The following PTGIS variants were observed in gnomAD, a reference collection of about 807,000 sequenced individuals.
PTGIS encodes prostacyclin synthase.
Under a neutral mutation model 50.3 loss-of-function variants are expected in PTGIS, and 45 were observed. The ratio of observed to expected loss-of-function variants is 0.90; its 90% CI spans 0.70 to 1.15. The LOEUF is 1.15. Among genes scored for constraint, PTGIS ranks in the 50% most tolerant of loss-of-function variants. PTGIS has a pLI of 0.00. For synonymous variants in PTGIS, 260 were observed against 267.7 expected, an observed-to-expected ratio of 0.97 and a Z score of 0.28; for missense variants, 668 against 661.3, an observed-to-expected ratio of 1.01 and a Z score of -0.11.
chr20:49,546,742 C>A (rs562927012), intron 3 of PTGIS, among the ~76,000 whole-genome samples: 1 of 152,308 alleles, frequency 6.6e-6, no homozygotes, highest in African/African-American at 2.4e-5. Flanking sequence ...TAAAAATGCC[C>A]ACCTCTTTAG....
chr20:49,564,099 C>T (rs991072140), intron 1 of PTGIS, among the ~76,000 whole-genome samples: 1 of 152,164 alleles, frequency 6.6e-6, no homozygotes, highest in Admixed American at 6.5e-5. Context: ...GAATGGGGCT[C>T]GAAAATTCTT....
chr20:49,548,113 C>A (rs1982412930), intron 2 of PTGIS, 94 bp from the exon 3 acceptor site: 1 of 1,166,850 alleles, frequency 8.6e-7, no homozygotes, highest in Non-Finnish European at 1.3e-6. Context: ...AGGCACTGCC[C>A]CACTGGACAG....
intron 5 of PTGIS, among the ~76,000 whole-genome samples, chr20:49,534,388 A>G (rs1269127122): frequency 1.3e-5 from 2 of 152,182 alleles, no homozygotes; most frequent in Non-Finnish European, 1.5e-5. Flanking sequence ...TCTGGTCCCA[A>G]TTAAGATGAG....
In PTGIS at chr20:49,506,231, G is replaced by A. The variant is rs568330035; in HGVS notation, c.*1689C>T. 3 of 152,396 alleles carry A rather than the reference G, an allele frequency of 2.0e-5. No individual in the cohort carries two copies. In the East Asian group the frequency reaches 5.8e-4, roughly 29 times the overall value. 9.4% of individuals were successfully genotyped at this position (152,396 alleles called of 1,614,324 possible). A position where few individuals can be genotyped will look rare whatever the true frequency, so the allele number is the denominator to read the frequency against. ...GGGCACAACCCTCCTTCTCTTCATA[G>A]AGATGCTGTGAGGAGTAGACATACT... On this transcript the variant is annotated 3_prime_UTR_variant, in exon 10 of 10. Coordinates refer to ENST00000244043, the MANE Select transcript of PTGIS (RefSeq NM_000961.4).
At chr20:49,561,233 G>A (rs1186010835) in intron 1 of PTGIS, among the ~76,000 whole-genome samples, 1 of 152,094 alleles carries the variant, frequency 6.6e-6, no homozygotes, top group Non-Finnish European at 1.5e-5. Flanking sequence ...CCCAAAGGGT[G>A]GGACAGCTCG....
At chr20:49,511,704 G>T (rs759807669) in intron 8 of PTGIS, among the ~76,000 whole-genome samples, 2 of 152,208 alleles carry the variant, frequency 1.3e-5, no homozygotes, top group Non-Finnish European at 2.9e-5. Flanking sequence ...ACTGCACAGT[G>T]GTAAGGCAAG....
intron 5 of PTGIS, among the ~76,000 whole-genome samples, chr20:49,538,840 C>A (rs1418617934): frequency 6.6e-6 from 1 of 152,020 alleles, no homozygotes; most frequent in Non-Finnish European, 1.5e-5. Flanking sequence ...CGCCACCATG[C>A]CTGGCTAATT....
At position 49,506,863 on chromosome 20, in the gene PTGIS, C is replaced by T. The variant is rs1335909838; in HGVS notation, c.*1057G>A. ...GACCCGGTCAGAACCCTGGTGAAGC[C>T]GAGAGCACATGTCCTGCATAAGGGA... On this transcript the variant is annotated 3_prime_UTR_variant, in exon 10 of 10. Coordinates refer to ENST00000244043, the MANE Select transcript of PTGIS (RefSeq NM_000961.4). 6.6e-6 allele frequency: 1 copy of T among 152,204 alleles called. No individual in the cohort carries two copies. The highest frequency in any genetic ancestry group is 1.5e-5 in the Non-Finnish European group (1 of 68,088). The allele number at this position is 152,204 out of a possible 1,614,324, so 9.4% of individuals were successfully genotyped here.
chr20:49,547,380 G>C (rs1185083803), intron 3 of PTGIS, among the ~76,000 whole-genome samples: 2 of 152,184 alleles, frequency 1.3e-5, no homozygotes, highest in African/African-American at 2.4e-5. Context: ...CTCCAGCATT[G>C]TTGTGAAGAC....
intron 1 of PTGIS, among the ~76,000 whole-genome samples, chr20:49,557,577 A>G (rs1328562383): frequency 1.3e-5 from 2 of 151,838 alleles, no homozygotes; most frequent in Non-Finnish European, 2.9e-5. Flanking sequence ...AAAAAAAAGA[A>G]GAAAAGAAAA....
At chr20:49,561,188 C>T (rs1452340383) in intron 1 of PTGIS, among the ~76,000 whole-genome samples, 1 of 152,174 alleles carries the variant, frequency 6.6e-6, no homozygotes, top group African/African-American at 2.4e-5. Flanking sequence ...GTCTCCTGCT[C>T]CCTTTTTCCC....
intron 6 of PTGIS, among the ~76,000 whole-genome samples, chr20:49,515,254 G>A (rs1446602170): frequency 6.6e-6 from 1 of 152,186 alleles, no homozygotes; most frequent in Non-Finnish European, 1.5e-5. Context: ...ATAAAACAAA[G>A]CCGCAATCAT....
Position 49,568,129 on chromosome 20 carries a change from G to GGGGCTGGCGGGGCTGGC in PTGIS, c.-14_-13insGCCAGCCCCGCCAGCCC. ...CGGCCCAAGCCATCGCGGGGCTGGC[G>GGGGCTGGCGGGGCTGGC]GGGCTGGCGGGGCTGGCGGGGCTGG... is the stretch of plus-strand genomic sequence containing the variant. On this transcript the variant is annotated 5_prime_UTR_variant, in exon 1 of 10. Coordinates refer to ENST00000244043, the MANE Select transcript of PTGIS (RefSeq NM_000961.4). 1 of 1,155,414 alleles carries GGGGCTGGCGGGGCTGGC rather than the reference G, an allele frequency of 8.7e-7. No individual in the cohort carries two copies. Among genetic ancestry groups the GGGGCTGGCGGGGCTGGC allele is most frequent in the Non-Finnish European group, 1.1e-6 (1 of 891,150 alleles). The allele number at this position is 1,155,414 out of a possible 1,614,324, so 71.6% of individuals were successfully genotyped here.
rs78255847 is a variant in PTGIS at position 49,514,523 on chromosome 20, G to T, written c.856-128C>A. 619 of 1,141,928 alleles carry T rather than the reference G, an allele frequency of 5.4e-4. 8 individuals are homozygous for T. In the East Asian group the frequency reaches 8.9e-3, roughly 16 times the overall value. The allele number at this position is 1,141,928 out of a possible 1,614,324, so 70.7% of individuals were successfully genotyped here. ...GTTCCCACTGCTGCCAAACACCCAG[G>T]CATGACCAGTGTCTATCTCCAGCCT... On this transcript the variant is annotated intron_variant, in intron 6 of 9. Transcript: ENST00000244043.
At position 49,550,205 on chromosome 20, in the gene PTGIS, C is replaced by A; in HGVS notation, c.75-16G>T. The A allele has an allele frequency of 1.2e-6, 2 of 1,610,768 alleles. No individual in the cohort carries two copies. The highest frequency in any genetic ancestry group is 1.7e-6 in the Non-Finnish European group (2 of 1,179,944). On this transcript the variant is annotated splice_polypyrimidine_tract_variant and intron_variant, in intron 1 of 9. Coordinates refer to ENST00000244043, the MANE Select transcript of PTGIS (RefSeq NM_000961.4). ...ACCAGGTCGCCTACAGAAGCCATGG[C>A]ACTTGTCACCATTTGATAAGGCAAG... is the stretch of plus-strand genomic sequence containing the variant.
intron 5 of PTGIS, among the ~76,000 whole-genome samples, chr20:49,529,261 C>G (rs1001517121): frequency 1.3e-5 from 2 of 152,126 alleles, no homozygotes; most frequent in African/African-American, 4.8e-5. Flanking sequence ...AACCAACACA[C>G]CCCCATTTCC....
chr20:49,550,257 GA>G, intron 1 of PTGIS, 68 bp from the exon 2 acceptor site: 2 of 1,589,142 alleles, frequency 1.3e-6, no homozygotes, highest in Admixed American at 1.7e-5. Context: ...GTAGGTTGCA[GA>G]GTGTGATTTT....
intron 5 of PTGIS, among the ~76,000 whole-genome samples, chr20:49,538,688 TTTATTTATTTATTTAA>T (rs1251970789): frequency 4.0e-5 from 6 of 149,560 alleles, no homozygotes; most frequent in African/African-American, 1.5e-4. Flanking sequence ...TATTTATTTA[TTTATTTATTTATTTAA>T]GACAGAGTCT....
At chr20:49,547,798 G>A (rs369015169) in intron 3 of PTGIS, 43 bp downstream of exon 3, 18 of 1,604,416 alleles carry the variant, frequency 1.1e-5, no homozygotes, top group Admixed American at 3.3e-5. Flanking sequence ...GAAATGAGTC[G>A]CCCACCCTGG....
Sources: allele counts gnomAD v4.1 joint callset (sites outside exome capture counted in the v4.1 genomes callset), GRCh38; gene constraint gnomAD v4.1.1; transcripts MANE v1.5; gene names NCBI Gene and HGNC (gene_info 2026-07-23, HGNC 2026-07-21).